Variants in KCNIP4 observed in about 807,000 individuals in gnomAD.
KCNIP4 encodes the protein Kv channel-interacting protein 4.
A neutral mutation model predicts 34.0 loss-of-function variants in KCNIP4; 12 were observed. The ratio of observed to expected loss-of-function variants is 0.35; its 90% CI spans 0.23 to 0.57. The LOEUF is 0.57. Among genes scored for constraint, KCNIP4 ranks in the 20% least tolerant of loss-of-function variants. The pLI is 0.83. For missense variants in KCNIP4, 238 were observed against 311.7 expected (o/e 0.76, Z 1.78); for synonymous variants, 124 against 102.2 (o/e 1.21, Z -1.29).
chr4:21,391,274 T>C (rs544941039), intron 1 of KCNIP4, among the ~76,000 whole-genome samples: 4 of 152,266 alleles, frequency 2.6e-5, no homozygotes, highest in South Asian at 2.1e-4. Flanking sequence ...TCCTTCAAAA[T>C]AGTATTGTAA....
chr4:21,129,900 AC>A (rs1270760029), intron 1 of KCNIP4, among the ~76,000 whole-genome samples: 6 of 151,534 alleles, frequency 4.0e-5, no homozygotes, highest in African/African-American at 1.5e-4. Flanking sequence ...AAAAAAAAAA[AC>A]AGTGTGAATG....
At chr4:21,866,152 T>C (rs1268791682) in intron 1 of KCNIP4, among the ~76,000 whole-genome samples, 1 of 152,184 alleles carries the variant, frequency 6.6e-6, no homozygotes, top group Admixed American at 6.5e-5. Context: ...AATAATTCAT[T>C]TTTTCTAAAT....
chr4:21,436,500 G>T (rs1306336903), intron 1 of KCNIP4, among the ~76,000 whole-genome samples: 4 of 152,142 alleles, frequency 2.6e-5, no homozygotes, highest in African/African-American at 9.7e-5. Flanking sequence ...TTTCTAAAAT[G>T]CATTCCAAAA....
At chr4:21,694,943 A>AAAAC (rs1560637409) in intron 1 of KCNIP4, among the ~76,000 whole-genome samples, 7 of 45,410 alleles carry the variant, frequency 1.5e-4, no homozygotes, top group African/African-American at 3.9e-4. Context: ...AAAATAAATA[A>AAAAC]ATAAATAAAG....
At chr4:21,194,292 A>C (rs1413828905) in intron 1 of KCNIP4, among the ~76,000 whole-genome samples, 3 of 152,142 alleles carry the variant, frequency 2.0e-5, no homozygotes, top group Non-Finnish European at 4.4e-5. Context: ...GTCCTCTCAC[A>C]TTTTTGTTTA....
chr4:21,256,022 A>T (rs963328404), intron 1 of KCNIP4, among the ~76,000 whole-genome samples: 3 of 151,806 alleles, frequency 2.0e-5, no homozygotes, highest in African/African-American at 7.3e-5. Context: ...AGCAGGCTAG[A>T]TAACATCAGG....
Position 21,341,296 on chromosome 4 carries a change from A to C in KCNIP4, c.62-458587T>G, listed in dbSNP as rs551314505. ...TTTGTTTTACGCCACCCAATTTTTT[A>C]CAGCAGCCTAGGAAACTAACACTGG... On this transcript the variant is annotated intron_variant, in intron 1 of 8. Transcript: ENST00000382152. Among the ~76,000 whole-genome samples, 231 of 152,184 alleles carry C rather than the reference A, an allele frequency of 1.5e-3. 3 individuals carry two copies. Among genetic ancestry groups the C allele is most frequent in the African/African-American group, 5.2e-3 (215 of 41,546 alleles).
At chr4:21,674,854 T>C (rs1749767999) in intron 1 of KCNIP4, among the ~76,000 whole-genome samples, 1 of 152,102 alleles carries the variant, frequency 6.6e-6, no homozygotes, top group South Asian at 2.1e-4. Context: ...TTTGGGTCAG[T>C]ATTTTAAAAA....
At chr4:21,714,814 ATT>A (rs1198591467) in intron 1 of KCNIP4, among the ~76,000 whole-genome samples, 14 of 234 alleles carry the variant, frequency 0.06, 3 homozygotes, top group African/African-American at 0.17. Context: ...ATTTTATTTT[ATT>A]TTATTTTATT....
At chr4:21,379,475 T>C (rs1234630108) in intron 1 of KCNIP4, among the ~76,000 whole-genome samples, 1 of 152,202 alleles carries the variant, frequency 6.6e-6, no homozygotes, top group African/African-American at 2.4e-5. Context: ...TGCCTCTCTT[T>C]CACTCAACAC....
At chr4:21,360,945 C>T (rs1042716744) in intron 1 of KCNIP4, among the ~76,000 whole-genome samples, 21 of 152,094 alleles carry the variant, frequency 1.4e-4, no homozygotes, top group African/African-American at 5.1e-4. Context: ...TGCTTTAAAT[C>T]AGCATCCGCT....
At chr4:21,009,944 T>A (rs1738924612) in intron 1 of KCNIP4, among the ~76,000 whole-genome samples, 1 of 152,232 alleles carries the variant, frequency 6.6e-6, no homozygotes, top group African/African-American at 2.4e-5. Context: ...AAAGACTGGG[T>A]GGCTTAAACA....
At chr4:21,364,490 CAAT>C (rs1719525906) in intron 1 of KCNIP4, among the ~76,000 whole-genome samples, 1 of 151,738 alleles carries the variant, frequency 6.6e-6, no homozygotes, top group East Asian at 1.9e-4. Flanking sequence ...GCATAGGAAA[CAAT>C]AAACATGTGT....
chr4:21,200,082 C>A (rs1241312797), intron 1 of KCNIP4, among the ~76,000 whole-genome samples: 1 of 151,758 alleles, frequency 6.6e-6, no homozygotes, highest in East Asian at 1.9e-4. Context: ...AGGAGATATA[C>A]CTAATGTAAA....
At chr4:20,988,008 A>G (rs1307358231) in intron 1 of KCNIP4, among the ~76,000 whole-genome samples, 6 of 149,400 alleles carry the variant, frequency 4.0e-5, no homozygotes, top group Non-Finnish European at 5.9e-5. Context: ...CTCAAAAAAA[A>G]AAAAAAAAAA....
chr4:21,815,351 A>T (rs1331207821), intron 1 of KCNIP4, among the ~76,000 whole-genome samples: 1 of 152,206 alleles, frequency 6.6e-6, no homozygotes, highest in African/African-American at 2.4e-5. Flanking sequence ...AACATATGTG[A>T]TAATGTATGT....
chr4:21,373,183 T>A (rs1250702807), intron 1 of KCNIP4, among the ~76,000 whole-genome samples: 2 of 146,604 alleles, frequency 1.4e-5, no homozygotes, highest in African/African-American at 5.5e-5. Flanking sequence ...ATTATCTGGC[T>A]GTGGTGGTGT....
At chr4:20,749,222 T>G (rs1291886373) in intron 5 of KCNIP4, among the ~76,000 whole-genome samples, 2 of 151,944 alleles carry the variant, frequency 1.3e-5, no homozygotes, top group African/African-American at 2.4e-5. Context: ...AGAGATTTCC[T>G]CGTAGAATTG....
intron 1 of KCNIP4, among the ~76,000 whole-genome samples, chr4:21,826,231 A>G: frequency 6.6e-6 from 1 of 152,166 alleles, no homozygotes; most frequent in East Asian, 1.9e-4. Context: ...CATTTTTGAC[A>G]GTTACATGGG....
Sources: gnomAD v4.1 joint callset for allele counts (sites outside exome capture counted in the v4.1 genomes callset) on GRCh38, gnomAD v4.1.1 for gene constraint, MANE v1.5 for transcripts, NCBI Gene and HGNC (gene_info 2026-07-23, HGNC 2026-07-21) for gene names.